Variants in MAX observed in about 807,000 individuals in gnomAD.
MAX encodes the protein MYC associated transcriptional regulator X.
MAX carries 3 observed loss-of-function variants against 22.3 expected under a neutral mutation model. The observed-to-expected ratio is 0.13, with a 90% CI of 0.06 to 0.35. MAX has a LOEUF of 0.35. Among genes scored for constraint, MAX ranks in the 10% least tolerant of loss-of-function variants. The probability of loss-of-function intolerance (pLI) is 1.00; values close to 1 mark genes in which losing one functional copy is unlikely to be tolerated. For missense variants in MAX, 119 were observed against 209.4 expected (o/e 0.57, Z 2.66); for synonymous variants, 72 against 77.7 (o/e 0.93, Z 0.39).
At chr14:65,015,571 G>A (rs1595024691) in intron 3 of MAX, 1 of 1,597,422 alleles carries the variant, frequency 6.3e-7, no homozygotes. Context: ...CTTGGCAGCA[G>A]TGTCTTGGAG....
intron 3 of MAX, among the ~76,000 whole-genome samples, chr14:65,036,122 G>A (rs866127342): frequency 5.9e-5 from 9 of 151,382 alleles, no homozygotes; most frequent in South Asian, 2.1e-4. Flanking sequence ...TGTGAGCCAC[G>A]ATGGCCAGCC....
intron 3 of MAX, among the ~76,000 whole-genome samples, chr14:65,059,428 C>G (rs1230718831): frequency 6.6e-6 from 1 of 151,890 alleles, no homozygotes; most frequent in Non-Finnish European, 1.5e-5. Flanking sequence ...CCATCTAGGT[C>G]TAGTATCTTT....
In MAX at chr14:65,102,498, G is replaced by T; in HGVS notation, c.-159C>A. The T allele has an allele frequency of 2.0e-6, 3 of 1,487,162 alleles. No individual in the cohort carries two copies. Among genetic ancestry groups the T allele is most frequent in the South Asian group, 2.7e-5 (2 of 75,154 alleles). 92.1% of individuals were successfully genotyped at this position (1,487,162 alleles called of 1,614,324 possible). ...TCACTCACACACACACACAACACGG[G>T]CAAGAACCACCTCCTCACTGCAGCA... On this transcript the variant is annotated 5_prime_UTR_variant, in exon 1 of 5. Transcript: ENST00000358664.
At position 65,102,455 on chromosome 14, in the gene MAX, A is replaced by ACTCG; in HGVS notation, c.-117_-116insCGAG. 5 of 1,534,276 alleles carry ACTCG rather than the reference A, an allele frequency of 3.3e-6. No individual in the cohort carries two copies. Among genetic ancestry groups the ACTCG allele is most frequent in the Non-Finnish European group, 3.5e-6 (4 of 1,142,180 alleles). The stretch of plus-strand genomic sequence containing the variant: ...GTCCCCCCCACACACACACTCACTC[A>ACTCG]CTCACTCACTCGCTCTCTCACTCAC... On this transcript the variant is annotated 5_prime_UTR_variant, in exon 1 of 5. Transcript: ENST00000358664.
chr14:65,100,789 A>C (rs941872186), intron 2 of MAX, among the ~76,000 whole-genome samples: 1 of 152,106 alleles, frequency 6.6e-6, no homozygotes, highest in Non-Finnish European at 1.5e-5. Context: ...ACTGTCTCAG[A>C]CTCCAAAGAC....
chr14:65,076,517 C>G lies in MAX; in HGVS notation c.442G>C (p.Glu148Gln). ...SDSSSESEPE[E>Q]PQSRKKLRME... Reference sequence around the variant, plus strand: ...CGGAGCTTCTTCCTGCTTTGGGGCTCTTCAGGCTCAGACTCCGAGCTGGAG... The same window carrying G: ...CGGAGCTTCTTCCTGCTTTGGGGCTGTTCAGGCTCAGACTCCGAGCTGGAG... Residue 148 changes from glutamate (E) to glutamine (Q), a missense_variant, in exon 5 of 5, where the codon GAG (glutamate) becomes CAG (glutamine). Glu to Gln is a conservative substitution (Grantham distance 29, BLOSUM62 2). Around this residue, in one of 3 missense-constraint regions of MAX, gnomAD observed 95 missense variants for 148.1 expected, o/e 0.64. Coordinates refer to ENST00000358664, the MANE Select transcript of MAX (RefSeq NM_002382.5). This position sits in a 1 kb window ranked among gnomAD's most constrained non-coding sequence, Gnocchi z 6.6. 6.2e-7 allele frequency: 1 copy of G among 1,614,038 alleles called. No individual in the cohort carries two copies. The highest frequency in any genetic ancestry group is 1.3e-5 in the African/African-American group (1 of 75,026).
chr14:65,080,853 C>G (rs906758244), intron 3 of MAX, among the ~76,000 whole-genome samples: 2 of 152,154 alleles, frequency 1.3e-5, no homozygotes, highest in East Asian at 3.8e-4. Flanking sequence ...TAATGAATGA[C>G]CAGACTGAGT....
rs1439828873 is a variant in MAX, at chr14:65,069,895, G to A, written c.171+23813C>T. ...AGCCTTGCTGCAGTAGGTATTCGCT[G>A]TGGACATGACATTCCTCCTCTTAGC... On this transcript the variant is annotated intron_variant, in intron 3 of 3. Coordinates refer to the MAX transcript ENST00000341653. This position sits in a 1 kb window ranked among gnomAD's most constrained non-coding sequence, Gnocchi z 4.6. Among the ~76,000 whole-genome samples, 1 of 152,264 alleles carries A rather than the reference G, an allele frequency of 6.6e-6. No individual in the cohort carries two copies. The highest frequency in any genetic ancestry group is 1.5e-5 in the Non-Finnish European group (1 of 68,044).
At chr14:65,034,320 CT>C (rs1400116666) in intron 3 of MAX, among the ~76,000 whole-genome samples, 2 of 152,166 alleles carry the variant, frequency 1.3e-5, no homozygotes, top group Non-Finnish European at 2.9e-5. Flanking sequence ...CCCTGTCCTC[CT>C]TTTTCTTGGT....
chr14:65,084,542 C>T lies in MAX; in HGVS notation c.172-6506G>A, dbSNP rs965285858. The stretch of plus-strand genomic sequence containing the variant: ...TCTTGGAAAGCATTTTGGCAACACA[C>T]GGAAAAAGGTCAGATGCTCGCACCC... On this transcript the variant is annotated intron_variant, in intron 3 of 4. Coordinates refer to ENST00000358664, the MANE Select transcript of MAX (RefSeq NM_002382.5). The surrounding 1 kb of genome is among the most constrained non-coding windows in gnomAD (Gnocchi z 4.3). Among the ~76,000 whole-genome samples the T allele has an allele frequency of 1.3e-5, 2 of 151,922 alleles. No homozygotes were observed. Among genetic ancestry groups the T allele is most frequent in the Admixed American group, 6.6e-5 (1 of 15,240 alleles).
At chr14:65,095,374 A>C (rs1452375494) in intron 2 of MAX, among the ~76,000 whole-genome samples, 1 of 152,258 alleles carries the variant, frequency 6.6e-6, no homozygotes, top group Non-Finnish European at 1.5e-5. Context: ...TAGTGACATG[A>C]AATATGAAGC....
intron 3 of MAX, chr14:65,090,326 CCT>C (rs1236474733): frequency 1.3e-5 from 2 of 152,068 alleles, no homozygotes. Flanking sequence ...AGTTCTAGCC[CCT>C]GTCCTGTTAC....
Position 65,029,071 on chromosome 14 carries a change from C to T in MAX, c.172-22787G>A, listed in dbSNP as rs908136906. Among the ~76,000 whole-genome samples the T allele has an allele frequency of 1.4e-4, 22 of 152,122 alleles. No individual in the cohort carries two copies. Among genetic ancestry groups the T allele is most frequent in the African/African-American group, 4.8e-4 (20 of 41,424 alleles). ...TCTAGATAAATGCTAGGAAACTTCTCCAGTAAGGCAGCTTGGTTCCCCTGC... is the reference window on the plus strand; with the variant it reads ...TCTAGATAAATGCTAGGAAACTTCTTCAGTAAGGCAGCTTGGTTCCCCTGC... On this transcript the variant is annotated intron_variant, in intron 3 of 3. Coordinates refer to the MAX transcript ENST00000341653. The surrounding 1 kb of genome is among the most constrained non-coding windows in gnomAD (Gnocchi z 4.7).
intron 3 of MAX, among the ~76,000 whole-genome samples, chr14:65,026,231 G>C (rs191315799): frequency 4.6e-5 from 7 of 152,358 alleles, no homozygotes; most frequent in East Asian, 1.9e-4. Flanking sequence ...GAAACAGCTT[G>C]ATAACCAGGG....
At position 65,077,268 on chromosome 14, in the gene MAX, G is replaced by C; in HGVS notation, c.296-605C>G. 8.7e-7 allele frequency: 1 copy of C among 1,147,608 alleles called. No homozygotes were observed. Among genetic ancestry groups the C allele is most frequent in the Non-Finnish European group, 1.3e-6 (1 of 781,980 alleles). The allele number at this position is 1,147,608 out of a possible 1,614,324, so 71.1% of individuals were successfully genotyped here. On this transcript the variant is annotated intron_variant, in intron 4 of 4. Transcript: ENST00000358664. The surrounding 1 kb of genome is among the most constrained non-coding windows in gnomAD (Gnocchi z 6.3). ...CCCATCCCTTGGTTCAGCTCAGCTT[G>C]AGCCTGGAAGGTCAACCCATTTAAT...
At chr14:65,052,623 A>G (rs549461287) in intron 3 of MAX, among the ~76,000 whole-genome samples, 20 of 152,184 alleles carry the variant, frequency 1.3e-4, no homozygotes, top group Non-Finnish European at 2.8e-4. Context: ...TCAGTACCTT[A>G]GTAGTATTAC....
At chr14:65,026,140 A>G (rs984307846) in intron 3 of MAX, among the ~76,000 whole-genome samples, 1 of 152,348 alleles carries the variant, frequency 6.6e-6, no homozygotes, top group Middle Eastern at 3.4e-3. Flanking sequence ...AGAAGGCCCC[A>G]TGAACACTGC....
downstream of MAX, among the ~76,000 whole-genome samples, chr14:65,074,411 A>C (rs567408246): frequency 6.6e-6 from 1 of 152,160 alleles, no homozygotes; most frequent in Non-Finnish European, 1.5e-5. Context: ...AGCTCCCATT[A>C]AACAAAAAAA....
In MAX at chr14:65,009,767, T is replaced by C. The variant is rs897244287; in HGVS notation, c.172-3483A>G. Among the ~76,000 whole-genome samples, 8 of 152,206 alleles carry C rather than the reference T, an allele frequency of 5.3e-5. No individual in the cohort carries two copies. The highest frequency in any genetic ancestry group is 1.9e-4 in the African/African-American group (8 of 41,446). On this transcript the variant is annotated intron_variant, in intron 3 of 3. Coordinates refer to the MAX transcript ENST00000341653. The surrounding 1 kb of genome is among the most constrained non-coding windows in gnomAD (Gnocchi z 4.2). ...TGGTGTTTTCTTCATTTTGCCTGCTTAACTCATGTCTTTCCAGCCTTAAAC... is the reference window on the plus strand; with the variant it reads ...TGGTGTTTTCTTCATTTTGCCTGCTCAACTCATGTCTTTCCAGCCTTAAAC...
Sources: gnomAD v4.1 joint callset for allele counts (sites outside exome capture counted in the v4.1 genomes callset) on GRCh38, gnomAD v4.1.1 for gene constraint, gnomAD v4.1.1 regional missense constraint, Gnocchi (gnomAD v3.1) non-coding constraint, MANE v1.5 for transcripts, NCBI Gene and HGNC (gene_info 2026-07-23, HGNC 2026-07-21) for gene names.